The following PC variants were observed in gnomAD, a reference collection of about 807,000 sequenced individuals.
PC encodes the protein pyruvate carboxylase.
In PC, 46 loss-of-function variants were observed where a neutral mutation model predicts 107.8. The ratio of observed to expected loss-of-function variants is 0.43; its 90% CI spans 0.34 to 0.55. The LOEUF is 0.55. PC is among the 20% of genes least tolerant of loss of function. PC has a pLI of 0.04. For synonymous variants in PC, 662 were observed against 684.7 expected, an observed-to-expected ratio of 0.97 and a Z score of 0.52; for missense variants, 1,241 against 1,643.1, an observed-to-expected ratio of 0.76 and a Z score of 4.23.
Position 66,870,700 on chromosome 11 carries a change from A to T in PC, c.751+75T>A. 1 of 1,419,182 alleles carries T rather than the reference A, an allele frequency of 7.0e-7. No homozygotes were observed. Among genetic ancestry groups the T allele is most frequent in the Non-Finnish European group, 9.9e-7 (1 of 1,013,286 alleles). The allele number at this position is 1,419,182 out of a possible 1,614,324, so 87.9% of individuals were successfully genotyped here. Reference sequence around the variant, plus strand: ...CCCAGGGCTGTCCCCAAGGCCAGCCACTGTGACGGCACCAGGACTGGGCCT... The same window carrying T: ...CCCAGGGCTGTCCCCAAGGCCAGCCTCTGTGACGGCACCAGGACTGGGCCT... On this transcript the variant is annotated intron_variant, in intron 8 of 22. Coordinates refer to ENST00000393960, the MANE Select transcript of PC (RefSeq NM_001040716.2). This position sits in a 1 kb window ranked among gnomAD's most constrained non-coding sequence, Gnocchi z 6.1.
rs1945540968 is a variant in PC at position 66,852,178 on chromosome 11, T to C, written c.1826-232A>G. Among the ~76,000 whole-genome samples the C allele has an allele frequency of 3.3e-5, 5 of 152,170 alleles. No homozygotes were observed. In the South Asian group the frequency reaches 1.0e-3, roughly 31 times the overall value. On this transcript the variant is annotated intron_variant, in intron 15 of 22. Coordinates refer to ENST00000393960, the MANE Select transcript of PC (RefSeq NM_001040716.2). The surrounding 1 kb of genome is among the most constrained non-coding windows in gnomAD (Gnocchi z 4.7). ...ATGCCCCCTTTATAATCCCATCTTC[T>C]CCTCTACCTCTCTGTGCTATAATTA...
In PC at chr11:66,852,916, AG is replaced by A; in HGVS notation, c.1514-81del. On this transcript the variant is annotated intron_variant, in intron 13 of 22. Transcript: ENST00000393960. This position sits in a 1 kb window ranked among gnomAD's most constrained non-coding sequence, Gnocchi z 4.7. ...GGCAGCAGTGAGAGTGGCTGGGCTC[AG>A]GGACAGGGACACATCCCTCCAGGAT... The A allele has an allele frequency of 1.9e-6, 2 of 1,051,298 alleles. No individual in the cohort carries two copies. Among genetic ancestry groups the A allele is most frequent in the Non-Finnish European group, 2.8e-6 (2 of 720,454 alleles). The allele number at this position is 1,051,298 out of a possible 1,614,324, so 65.1% of individuals were successfully genotyped here.
intron 3 of PC, among the ~76,000 whole-genome samples, chr11:66,894,600 G>A (rs566748817): frequency 6.6e-6 from 1 of 152,332 alleles, no homozygotes; most frequent in African/African-American, 2.4e-5. Flanking sequence ...AGCAGGCTGA[G>A]AACACCCGGG....
At chr11:66,872,894 G>A (rs558222861) in intron 3 of PC, among the ~76,000 whole-genome samples, 9 of 151,794 alleles carry the variant, frequency 5.9e-5, no homozygotes, top group African/African-American at 1.9e-4. Context: ...AAAATTAGCC[G>A]GGCATGGTGG....
chr11:66,928,524 T>TATC (rs1776083711), intron 3 of PC, among the ~76,000 whole-genome samples: 1 of 151,906 alleles, frequency 6.6e-6, no homozygotes, highest in Admixed American at 6.6e-5. Context: ...CATTAATTAT[T>TATC]ATTATTATTA....
At chr11:66,909,482 G>A (rs1220497008) in intron 3 of PC, among the ~76,000 whole-genome samples, 1 of 152,200 alleles carries the variant, frequency 6.6e-6, no homozygotes, top group Non-Finnish European at 1.5e-5. Flanking sequence ...TGGGGTCACA[G>A]CTTACTCAGC....
chr11:66,905,775 G>A (rs1326651852), intron 3 of PC, among the ~76,000 whole-genome samples: 1 of 152,084 alleles, frequency 6.6e-6, no homozygotes, highest in African/African-American at 2.4e-5. Context: ...GGTGGGGAGG[G>A]CTGCTGCCCA....
chr11:66,873,437 ATAT>A (rs1278563578), intron 3 of PC, among the ~76,000 whole-genome samples: 23 of 87,156 alleles, frequency 2.6e-4, no homozygotes, highest in Non-Finnish European at 4.2e-4. Context: ...TATATATTAT[ATAT>A]TATATTATAT....
At chr11:66,920,606 A>G (rs919666454) in intron 3 of PC, among the ~76,000 whole-genome samples, 3 of 152,150 alleles carry the variant, frequency 2.0e-5, no homozygotes, top group Non-Finnish European at 4.4e-5. Context: ...CAAGAATCGT[A>G]GAGCCATTTC....
intron 3 of PC, among the ~76,000 whole-genome samples, chr11:66,894,607 C>T (rs760042135): frequency 6.6e-6 from 1 of 152,234 alleles, no homozygotes; most frequent in African/African-American, 2.4e-5. Flanking sequence ...TGAGAACACC[C>T]GGGTTCCCAC....
chr11:66,910,347 T>C (rs778357934), intron 3 of PC, among the ~76,000 whole-genome samples: 1 of 152,162 alleles, frequency 6.6e-6, no homozygotes, highest in Non-Finnish European at 1.5e-5. Context: ...CCTTGTGCCA[T>C]CAGGGCAGCT....
chr11:66,863,562 C>G (rs952369519), intron 12 of PC, among the ~76,000 whole-genome samples: 1 of 152,210 alleles, frequency 6.6e-6, no homozygotes, highest in Admixed American at 6.5e-5. Flanking sequence ...CTGCCAGGGA[C>G]TCTGGCAGCG....
intron 3 of PC, among the ~76,000 whole-genome samples, chr11:66,910,931 C>G (rs1227930396): frequency 6.6e-6 from 1 of 152,182 alleles, no homozygotes; most frequent in African/African-American, 2.4e-5. Flanking sequence ...ATTGCAACTC[C>G]AACACTTAAG....
At chr11:66,854,770 G>A (rs1490016410) in intron 12 of PC, among the ~76,000 whole-genome samples, 1 of 152,206 alleles carries the variant, frequency 6.6e-6, no homozygotes, top group Non-Finnish European at 1.5e-5. Flanking sequence ...GCCTGGACAG[G>A]AAGGGTGCCT....
At chr11:66,911,079 A>AT (rs1313034685) in intron 3 of PC, among the ~76,000 whole-genome samples, 1 of 152,198 alleles carries the variant, frequency 6.6e-6, no homozygotes, top group African/African-American at 2.4e-5. Flanking sequence ...TACCTACGAG[A>AT]GTCTAGCACG....
chr11:66,864,937 C>A (rs144509552), intron 11 of PC, among the ~76,000 whole-genome samples: 26 of 152,326 alleles, frequency 1.7e-4, no homozygotes, highest in African/African-American at 6.3e-4. Flanking sequence ...GGGGCAGAGG[C>A]CTGTGTTCAA....
chr11:66,894,122 A>G (rs1947666620), intron 3 of PC, among the ~76,000 whole-genome samples: 2 of 152,046 alleles, frequency 1.3e-5, no homozygotes, highest in South Asian at 4.1e-4. Context: ...ATCCCCAAAT[A>G]CAGGCATGAC....
rs1325049773 is a variant in PC at position 66,858,086 on chromosome 11, G to A, written c.1369-4703C>T. 2 of 1,609,200 alleles carry A rather than the reference G, an allele frequency of 1.2e-6. No homozygotes were observed. The highest frequency in any genetic ancestry group is 1.7e-6 in the Non-Finnish European group (2 of 1,178,108). ...ACAGGCTGGTGGAGCTGGGCACCGG[G>A]AGCCTCCGGGGCCCCGTCAATCTGC... is the stretch of plus-strand genomic sequence containing the variant. On this transcript the variant is annotated intron_variant, in intron 12 of 22. Coordinates refer to ENST00000393960, the MANE Select transcript of PC (RefSeq NM_001040716.2). The surrounding 1 kb of genome is among the most constrained non-coding windows in gnomAD (Gnocchi z 5.9).
intron 3 of PC, among the ~76,000 whole-genome samples, chr11:66,939,361 T>C (rs1466195411): frequency 7.1e-6 from 1 of 141,778 alleles, no homozygotes; most frequent in Non-Finnish European, 1.6e-5. Context: ...CTTGAGCATC[T>C]TGGAGGATTC....
Sources: allele counts gnomAD v4.1 joint callset (sites outside exome capture counted in the v4.1 genomes callset), GRCh38; gene constraint gnomAD v4.1.1; non-coding constraint Gnocchi (gnomAD v3.1); transcripts MANE v1.5; gene names NCBI Gene and HGNC (gene_info 2026-07-23, HGNC 2026-07-21).